OXR1: variants seen among roughly 807,000 people sequenced by gnomAD.
The protein encoded by OXR1 is oxidation resistance 1.
A neutral mutation model predicts 104.6 loss-of-function variants in OXR1; 41 were observed. The observed-to-expected ratio is 0.39, with a 90% CI of 0.31 to 0.51. The LOEUF is 0.51. Among genes scored for constraint, OXR1 ranks in the 20% least tolerant of loss-of-function variants. The pLI is 0.77. For synonymous variants in OXR1, 348 were observed against 348.4 expected (o/e 1.00, Z 0.01); for missense variants, 955 against 1,031.9 (o/e 0.93, Z 1.02).
chr8:106,536,515 A>G (rs577150754), intron 3 of OXR1, among the ~76,000 whole-genome samples: 1 of 152,198 alleles, frequency 6.6e-6, no homozygotes, highest in Admixed American at 6.5e-5. Flanking sequence ...GGAAATTGCT[A>G]AAGGACATGT....
chr8:106,666,295 C>T (rs996734363), intron 3 of OXR1, among the ~76,000 whole-genome samples: 2 of 152,094 alleles, frequency 1.3e-5, no homozygotes, highest in Non-Finnish European at 1.5e-5. Context: ...TGAAAATGGT[C>T]TGTATCTGTG....
At chr8:106,444,678 G>T (rs1051516214) in intron 2 of OXR1, among the ~76,000 whole-genome samples, 3 of 152,070 alleles carry the variant, frequency 2.0e-5, no homozygotes, top group African/African-American at 7.3e-5. Context: ...CACCCACCAG[G>T]GATTGTTGGG....
intron 2 of OXR1, among the ~76,000 whole-genome samples, chr8:106,417,684 C>T (rs1488738247): frequency 6.6e-6 from 1 of 152,134 alleles, no homozygotes; most frequent in Non-Finnish European, 1.5e-5. Context: ...ACAGGACCCA[C>T]TAGGAGTTCC....
intron 2 of OXR1, among the ~76,000 whole-genome samples, chr8:106,371,797 T>C (rs928342459): frequency 2.6e-5 from 4 of 152,194 alleles, no homozygotes; most frequent in Admixed American, 6.5e-5. Context: ...TGAGGAAGGA[T>C]AGGCCTGAAG....
At chr8:106,375,091 A>G (rs1001156752) in intron 2 of OXR1, among the ~76,000 whole-genome samples, 1 of 152,180 alleles carries the variant, frequency 6.6e-6, no homozygotes, top group African/African-American at 2.4e-5. Flanking sequence ...TCACTTAGAT[A>G]TTTTTCCCTG....
chr8:106,346,235 G>A (rs1815475573), intron 1 of OXR1, among the ~76,000 whole-genome samples: 1 of 152,132 alleles, frequency 6.6e-6, no homozygotes, highest in Admixed American at 6.6e-5. Flanking sequence ...AAAAGAGCTA[G>A]AATATTACGC....
intron 2 of OXR1, among the ~76,000 whole-genome samples, chr8:106,453,161 T>A (rs1209538013): frequency 1.3e-5 from 2 of 152,154 alleles, no homozygotes; most frequent in East Asian, 3.9e-4. Context: ...CCATCTCCAG[T>A]GGTGCTGTGC....
chr8:106,732,972 T>C (rs1360821937), intron 11 of OXR1, among the ~76,000 whole-genome samples: 6 of 152,338 alleles, frequency 3.9e-5, no homozygotes, highest in Admixed American at 3.9e-4. Context: ...CGTAAATGTT[T>C]GGTAGTATTC....
intron 3 of OXR1, among the ~76,000 whole-genome samples, chr8:106,605,620 C>A (rs1820312869): frequency 7.1e-6 from 1 of 141,184 alleles, no homozygotes; most frequent in Admixed American, 7.1e-5. Flanking sequence ...TATGGTGAAA[C>A]CCCGTCTCTA....
chr8:106,707,522 A>G (rs1831262442), intron 9 of OXR1: 1 of 360,564 alleles, frequency 2.8e-6, no homozygotes, highest in South Asian at 6.8e-5. Flanking sequence ...TTCATATATA[A>G]CATTTTAATT....
intron 6 of OXR1, among the ~76,000 whole-genome samples, chr8:106,688,035 A>G (rs935678183): frequency 6.6e-6 from 1 of 152,228 alleles, no homozygotes; most frequent in Non-Finnish European, 1.5e-5. Flanking sequence ...ATTTCGCACT[A>G]TCATCTTCCT....
At chr8:106,284,071 G>T (rs78207100) in intron 1 of OXR1, among the ~76,000 whole-genome samples, 1 of 151,982 alleles carries the variant, frequency 6.6e-6, no homozygotes, top group South Asian at 2.1e-4. Flanking sequence ...GCACTCAGCC[G>T]AACATGGGAT....
intron 7 of OXR1, among the ~76,000 whole-genome samples, chr8:106,695,290 A>G (rs910966177): frequency 5.9e-5 from 9 of 151,884 alleles, no homozygotes; most frequent in South Asian, 2.1e-4. Context: ...TTCCTTTTAT[A>G]TAAGGACTTC....
At chr8:106,456,715 C>T (rs1820615853) in intron 2 of OXR1, among the ~76,000 whole-genome samples, 1 of 152,042 alleles carries the variant, frequency 6.6e-6, no homozygotes, top group South Asian at 2.1e-4. Flanking sequence ...ATTTGATTAC[C>T]TTTTGAGCGT....
chr8:106,595,086 CCA>C (rs1252855553), intron 3 of OXR1, among the ~76,000 whole-genome samples: 6 of 152,200 alleles, frequency 3.9e-5, no homozygotes, highest in East Asian at 1.9e-4. Context: ...ATAGGCAAAA[CCA>C]CAGTCTTCTT....
chr8:106,511,967 G>A (rs1048059487), intron 2 of OXR1, among the ~76,000 whole-genome samples: 2 of 152,084 alleles, frequency 1.3e-5, no homozygotes, highest in African/African-American at 2.4e-5. Context: ...ATGAAATATT[G>A]CGTGTATAAC....
At chr8:106,439,954 T>G (rs1353591493) in intron 2 of OXR1, among the ~76,000 whole-genome samples, 1 of 152,142 alleles carries the variant, frequency 6.6e-6, no homozygotes, top group Non-Finnish European at 1.5e-5. Context: ...ATTGACTAGA[T>G]TCTGGATAGC....
chr8:106,738,797 C>A (rs977031360), intron 12 of OXR1, among the ~76,000 whole-genome samples: 2 of 151,320 alleles, frequency 1.3e-5, no homozygotes, highest in Non-Finnish European at 2.9e-5. Flanking sequence ...ACACATTAAT[C>A]TAATTTAAAA....
intron 2 of OXR1, among the ~76,000 whole-genome samples, chr8:106,390,623 A>G (rs1407442690): frequency 1.3e-5 from 2 of 152,214 alleles, no homozygotes; most frequent in Non-Finnish European, 2.9e-5. Flanking sequence ...TATTGCACAT[A>G]CAGTATCATT....
Sources: gnomAD v4.1 joint callset for allele counts (sites outside exome capture counted in the v4.1 genomes callset) on GRCh38, gnomAD v4.1.1 for gene constraint, MANE v1.5 for transcripts, NCBI Gene and HGNC (gene_info 2026-07-23, HGNC 2026-07-21) for gene names.